The following LCK variants were observed in gnomAD, a reference collection of about 807,000 sequenced individuals.
LCK encodes the protein LCK proto-oncogene, Src family tyrosine kinase.
LCK carries 14 observed loss-of-function variants against 64.6 expected under a neutral mutation model. The observed-to-expected ratio is 0.22, with a 90% CI of 0.14 to 0.34. The LOEUF is 0.34. Ranked by LOEUF, LCK falls within the 10% of genes least tolerant of loss-of-function variation. The pLI, the probability that LCK is intolerant of heterozygous loss-of-function variation, is 1.00. For missense variants in LCK, 434 were observed against 668.1 expected, an observed-to-expected ratio of 0.65 and a Z score of 3.86; for synonymous variants, 277 against 263.6, an observed-to-expected ratio of 1.05 and a Z score of -0.49.
rs575637884 is a variant in LCK at position 32,257,238 on chromosome 1, T to G, written c.-6+5867T>G. Among the ~76,000 whole-genome samples, 12 of 151,744 alleles carry G rather than the reference T, an allele frequency of 7.9e-5. No homozygotes were observed. In the East Asian group the frequency reaches 9.7e-4, roughly 12 times the overall value. On this transcript the variant is annotated intron_variant, in intron 1 of 12. Transcript: ENST00000336890. Reference sequence around the variant, plus strand: ...CAACCTTCTGCCAGTAAGTCTTGTTTTTTTTTTTTTTGTTTTTTTTGTTTT... The same window carrying G: ...CAACCTTCTGCCAGTAAGTCTTGTTGTTTTTTTTTTTGTTTTTTTTGTTTT...
At chr1:32,265,816 TCTC>T (rs1298876459) in intron 1 of LCK, among the ~76,000 whole-genome samples, 5 of 152,040 alleles carry the variant, frequency 3.3e-5, no homozygotes, top group Admixed American at 6.6e-5. Flanking sequence ...CTCTTCTCCT[TCTC>T]CTCCTCCTTC....
At chr1:32,278,618 T>G (rs1450631030) in intron 9 of LCK, among the ~76,000 whole-genome samples, 1 of 152,092 alleles carries the variant, frequency 6.6e-6, no homozygotes, top group Non-Finnish European at 1.5e-5. Context: ...GGATTACAGA[T>G]GTGAGCCACC....
chr1:32,261,821 C>T (rs1436191780), intron 1 of LCK, among the ~76,000 whole-genome samples: 3 of 148,488 alleles, frequency 2.0e-5, no homozygotes, highest in Non-Finnish European at 4.5e-5. Context: ...GCATACTAGG[C>T]GCATGCCTCC....
chr1:32,280,337 G>C (rs1569968936), intron 12 of LCK, 127 bp downstream of exon 12: 1 of 1,197,866 alleles, frequency 8.3e-7, no homozygotes, highest in Non-Finnish European at 1.2e-6. Flanking sequence ...TCAGGGGTAT[G>C]AGTCCAACGT....
rs1057058175 is a variant in LCK, at chr1:32,275,492, T to A, written c.377+73T>A. 7.6e-6 allele frequency: 12 copies of A among 1,571,730 alleles called. No individual in the cohort carries two copies. In the African/African-American group the frequency reaches 1.6e-4, roughly 21 times the overall value. ...CCTGGAGCAGGGAGTAGGCCTGGGG[T>A]GGCGGTGAAGGCTTGAGGGCCACGG... On this transcript the variant is annotated intron_variant, in intron 5 of 12. Transcript: ENST00000336890. This position sits in a 1 kb window ranked among gnomAD's most constrained non-coding sequence, Gnocchi z 6.9.
At chr1:32,262,666 C>CT (rs1639807429) in intron 1 of LCK, among the ~76,000 whole-genome samples, 1 of 151,616 alleles carries the variant, frequency 6.6e-6, no homozygotes, top group South Asian at 2.1e-4. Flanking sequence ...TCAAGGAGTC[C>CT]TACTGCCTCA....
Position 32,275,950 on chromosome 1 carries a change from A to G in LCK, c.518A>G (p.Asn173Ser), listed in dbSNP as rs777308034. The stretch of plus-strand genomic sequence containing the variant: ...CTGTCGGTCCGGGACTTCGACCAGA[A>G]CCAGGGAGAGGTGGTGAAACATTAC... ...FSLSVRDFDQ[N>S]QGEVVKHYKI... is the part of the protein sequence containing the mutation. Residue 173 changes from asparagine (N) to serine (S), a missense_variant, in exon 7 of 13, where the codon AAC (asparagine) becomes AGC (serine). This residue lies in a region of LCK where 233 missense variants were observed against 291.2 expected (regional missense o/e 0.80). Coordinates refer to ENST00000336890, the MANE Select transcript of LCK (RefSeq NM_005356.5). The surrounding 1 kb of genome is among the most constrained non-coding windows in gnomAD (Gnocchi z 6.9). 3.7e-6 allele frequency: 6 copies of G among 1,614,150 alleles called. 1 individual carries two copies. The South Asian group carries it at 6.6e-5, about 18-fold the overall frequency.
chr1:32,279,615 T>C, intron 9 of LCK, 56 bp from the exon 10 acceptor site: 8 of 1,613,550 alleles, frequency 5.0e-6, no homozygotes, highest in Non-Finnish European at 6.8e-6. Context: ...AGGAGAAAGG[T>C]CTGGGGGCCT....
intron 1 of LCK, among the ~76,000 whole-genome samples, chr1:32,268,253 A>G (rs1639980083): frequency 6.6e-6 from 1 of 152,110 alleles, no homozygotes; most frequent in Non-Finnish European, 1.5e-5. Context: ...GAGAAATGCA[A>G]ATGCCTGGCA....
intron 1 of LCK, among the ~76,000 whole-genome samples, chr1:32,252,174 G>GGTCT (rs1334372939): frequency 1.3e-5 from 2 of 152,124 alleles, no homozygotes; most frequent in Non-Finnish European, 2.9e-5. Context: ...GGTGCAGTTG[G>GGTCT]TCCTGGGTGA....
chr1:32,276,831 G>A lies in LCK; in HGVS notation c.964+45G>A. ...GCTACCAGGGGATACTGCTCTCCCT[G>A]CTGTCCCTGCCAGAGGGTGGAAATA... On this transcript the variant is annotated intron_variant, in intron 9 of 12. Transcript: ENST00000336890. The surrounding 1 kb of genome is among the most constrained non-coding windows in gnomAD (Gnocchi z 4.6). 4.0e-6 allele frequency: 6 copies of A among 1,515,508 alleles called. No homozygotes were observed. Among genetic ancestry groups the A allele is most frequent in the Non-Finnish European group, 5.4e-6 (6 of 1,120,788 alleles). 93.9% of individuals were successfully genotyped at this position (1,515,508 alleles called of 1,614,324 possible).
chr1:32,268,202 T>G (rs573667375), intron 1 of LCK, among the ~76,000 whole-genome samples: 20 of 150,868 alleles, frequency 1.3e-4, no homozygotes, highest in Non-Finnish European at 2.7e-4. Context: ...TCAAAAAAAA[T>G]AAAAAAGAAA....
At chr1:32,253,533 C>T (rs765722929) in intron 1 of LCK, among the ~76,000 whole-genome samples, 27 of 152,246 alleles carry the variant, frequency 1.8e-4, no homozygotes, top group African/African-American at 4.3e-4. Flanking sequence ...CCGCCCACCT[C>T]GGCCCCCCAA....
chr1:32,284,310 G>C (rs1640553823), intron 12 of LCK, among the ~76,000 whole-genome samples: 1 of 146,444 alleles, frequency 6.8e-6, no homozygotes, highest in Non-Finnish European at 1.5e-5. Flanking sequence ...ATATATATCT[G>C]TGAGAGATAT....
Position 32,276,082 on chromosome 1 carries a change from C to T in LCK, c.631+19C>T, listed in dbSNP as rs774012186. The stretch of plus-strand genomic sequence containing the variant: ...TACACCAGTGAGCCCGACGGGACCC[C>T]TCCCCCGTGCCCTATCAGCCTATCT... On this transcript the variant is annotated intron_variant, in intron 7 of 12. Coordinates refer to ENST00000336890, the MANE Select transcript of LCK (RefSeq NM_005356.5). The surrounding 1 kb of genome is among the most constrained non-coding windows in gnomAD (Gnocchi z 4.6). 6 of 1,613,294 alleles carry T rather than the reference C, an allele frequency of 3.7e-6. No homozygotes were observed. The highest frequency in any genetic ancestry group is 3.3e-5 in the Admixed American group (2 of 59,990).
At chr1:32,283,620 C>A (rs1557591186) in intron 12 of LCK, among the ~76,000 whole-genome samples, 1 of 152,080 alleles carries the variant, frequency 6.6e-6, no homozygotes, top group Non-Finnish European at 1.5e-5. Flanking sequence ...GGGGCCAGGA[C>A]CAGCATAAAG....
intron 1 of LCK, among the ~76,000 whole-genome samples, chr1:32,263,486 C>G (rs1639836639): frequency 1.3e-5 from 2 of 151,836 alleles, no homozygotes; most frequent in African/African-American, 2.4e-5. Flanking sequence ...CCTGCCATCC[C>G]AACACTTTCG....
At chr1:32,266,827 CT>C (rs1354631608) in intron 1 of LCK, among the ~76,000 whole-genome samples, 1 of 88,332 alleles carries the variant, frequency 1.1e-5, no homozygotes, top group Non-Finnish European at 2.2e-5. Flanking sequence ...CCCCTTCCCC[CT>C]CCCTTTCTTT....
chr1:32,255,059 G>T (rs577648044), intron 1 of LCK, among the ~76,000 whole-genome samples: 1 of 152,200 alleles, frequency 6.6e-6, no homozygotes, highest in South Asian at 2.1e-4. Flanking sequence ...AAGAAATGCA[G>T]CCTCCTCCAA....
Sources: allele counts gnomAD v4.1 joint callset (sites outside exome capture counted in the v4.1 genomes callset), GRCh38; gene constraint gnomAD v4.1.1; regional missense constraint gnomAD v4.1.1; non-coding constraint Gnocchi (gnomAD v3.1); transcripts MANE v1.5; gene names NCBI Gene and HGNC (gene_info 2026-07-23, HGNC 2026-07-21).